The following HELZ variants were observed in gnomAD, a reference collection of about 807,000 sequenced individuals.
The protein encoded by HELZ is helicase with zinc finger.
Under a neutral mutation model 218.2 loss-of-function variants are expected in HELZ, and 23 were observed. The observed-to-expected ratio is 0.11, with a 90% CI of 0.08 to 0.15. The LOEUF is 0.15. Ranked by LOEUF, HELZ falls within the 10% of genes least tolerant of loss-of-function variation. HELZ has a pLI of 1.00. For missense variants in HELZ, 1,813 were observed against 2,353.7 expected, an observed-to-expected ratio of 0.77 and a Z score of 4.75; for synonymous variants, 814 against 829.4, an observed-to-expected ratio of 0.98 and a Z score of 0.32.
intron 32 of HELZ, among the ~76,000 whole-genome samples, 186 bp downstream of exon 32, chr17:67,086,643 T>TAAATATAA (rs1403051540): frequency 7.9e-6 from 1 of 126,026 alleles, no homozygotes; most frequent in Non-Finnish European, 1.7e-5. Flanking sequence ...TATATATATA[T>TAAATATAA]ATATATATAT....
chr17:67,102,928 C>A (rs1272671702), intron 31 of HELZ, among the ~76,000 whole-genome samples: 2 of 151,974 alleles, frequency 1.3e-5, no homozygotes, highest in Non-Finnish European at 2.9e-5. Flanking sequence ...ATTAAGAGCA[C>A]CAAGGTACAA....
Position 67,145,870 on chromosome 17 carries a change from T to C in HELZ, c.2642A>G (p.Tyr881Cys). The C allele has an allele frequency of 1.9e-6, 3 of 1,612,710 alleles. No individual in the cohort carries two copies. Among genetic ancestry groups the C allele is most frequent in the Non-Finnish European group, 1.7e-6 (2 of 1,179,618 alleles). Reference protein sequence around the residue: ...AIINYTSELFYEGKLMASGKQ... With the variant: ...AIINYTSELFCEGKLMASGKQ... Reference sequence around the variant, plus strand: ...CCCACTGGCCATCAGTTTGCCCTCATAGAAAAGCTCAGAGGTATAACTGCA... The same window carrying C: ...CCCACTGGCCATCAGTTTGCCCTCACAGAAAAGCTCAGAGGTATAACTGCA... The change falls in exon 21 of 33, where the codon TAT becomes TGT. Residue 881 changes from tyrosine to cysteine, a missense_variant. By Grantham distance (194) the Tyr-to-Cys change is radical. This residue lies in a region of HELZ where 156 missense variants were observed against 274.4 expected (regional missense o/e 0.57). Transcript: ENST00000358691.
chr17:67,215,394 G>A (rs1427539305), intron 5 of HELZ, among the ~76,000 whole-genome samples: 1 of 146,612 alleles, frequency 6.8e-6, no homozygotes, highest in Non-Finnish European at 1.5e-5. Flanking sequence ...TGTCGCCCAA[G>A]CTGGAGTGCA....
intron 32 of HELZ, among the ~76,000 whole-genome samples, chr17:67,081,239 A>T (rs1029379182): frequency 1.6e-4 from 24 of 152,162 alleles, no homozygotes; most frequent in African/African-American, 5.8e-4. Context: ...AGTGTGAACT[A>T]CCCAATTAGG....
chr17:67,091,992 A>G (rs1487038889), intron 31 of HELZ, among the ~76,000 whole-genome samples: 4 of 152,212 alleles, frequency 2.6e-5, no homozygotes, highest in Admixed American at 2.6e-4. Flanking sequence ...GGAGAGGACT[A>G]TCACTATAAG....
At chr17:67,144,027 CA>C (rs1224327243) in intron 21 of HELZ, among the ~76,000 whole-genome samples, 2 of 152,148 alleles carry the variant, frequency 1.3e-5, no homozygotes, top group Non-Finnish European at 2.9e-5. Flanking sequence ...AAGTATTAGT[CA>C]GAATCTTTAT....
chr17:67,236,404 T>C (rs982671605), intron 3 of HELZ, among the ~76,000 whole-genome samples: 1 of 152,258 alleles, frequency 6.6e-6, no homozygotes, highest in South Asian at 2.1e-4. Context: ...CCCCTTAACA[T>C]AATAACACAC....
rs189316345 is a variant in HELZ at position 67,157,675 on chromosome 17, G to A, written c.2177+2586C>T. Among the ~76,000 whole-genome samples the A allele has an allele frequency of 2.9e-3, 437 of 152,262 alleles. 1 individual carries two copies. Among genetic ancestry groups the A allele is most frequent in the Non-Finnish European group, 3.6e-3 (247 of 68,016 alleles). On this transcript the variant is annotated intron_variant, in intron 17 of 32. Coordinates refer to ENST00000358691, the MANE Select transcript of HELZ (RefSeq NM_014877.4). The stretch of plus-strand genomic sequence containing the variant: ...TCCACATATCCCACACGAATTATAA[G>A]AGAGAGTCTGGTAATATATAATTTT...
chr17:67,235,191 C>T (rs2143466558), intron 3 of HELZ, among the ~76,000 whole-genome samples: 1 of 152,126 alleles, frequency 6.6e-6, no homozygotes, highest in African/African-American at 2.4e-5. Context: ...GTGGTCTTCT[C>T]AGCAATCCAA....
chr17:67,083,088 C>G (rs2036250377), intron 32 of HELZ, among the ~76,000 whole-genome samples: 1 of 151,816 alleles, frequency 6.6e-6, no homozygotes, highest in Non-Finnish European at 1.5e-5. Flanking sequence ...AACTCCTGAC[C>G]TCAGGTGATC....
chr17:67,196,736 C>T (rs561979512), intron 7 of HELZ, among the ~76,000 whole-genome samples: 54 of 152,224 alleles, frequency 3.5e-4, no homozygotes, highest in African/African-American at 1.3e-3. Flanking sequence ...AAGCAAAATT[C>T]ATCAACTTTA....
chr17:67,182,626 A>G (rs555404505), intron 12 of HELZ, among the ~76,000 whole-genome samples: 6 of 152,358 alleles, frequency 3.9e-5, no homozygotes, highest in South Asian at 2.1e-4. Flanking sequence ...CAAAAACTAT[A>G]AACAGATTTT....
rs1393894726 is a variant in HELZ at position 67,148,615 on chromosome 17, T to A, written c.2575A>T (p.Arg859Trp). Residue 859 changes from arginine to tryptophan, a missense_variant, in exon 20 of 33, where the codon AGG becomes TGG. This residue lies in a region of HELZ where 714 missense variants were observed against 1,029.2 expected (regional missense o/e 0.69). Coordinates refer to ENST00000358691, the MANE Select transcript of HELZ (RefSeq NM_014877.4). ...CGGTAGTTCTCACACAGGAGAATCC[T>A]ACATGGGAACTCAGCAGGGTAATGC... ...YEHYPAEFPC[R>W]ILLCENYRSH... The A allele has an allele frequency of 6.2e-7, 1 of 1,613,842 alleles. No individual in the cohort carries two copies. Among genetic ancestry groups the A allele is most frequent in the Non-Finnish European group, 8.5e-7 (1 of 1,179,846 alleles).
intron 27 of HELZ, chr17:67,120,152 C>T (rs977111507): frequency 4.1e-5 from 16 of 390,972 alleles, no homozygotes; most frequent in African/African-American, 2.3e-4. Context: ...TACAGGCACC[C>T]GCCACCATGC....
intron 32 of HELZ, among the ~76,000 whole-genome samples, chr17:67,085,123 A>G (rs961783004): frequency 2.0e-5 from 3 of 152,012 alleles, no homozygotes; most frequent in Non-Finnish European, 4.4e-5. Context: ...AAACAAACAA[A>G]AAAGTGACAA....
In HELZ at chr17:67,218,941, G is replaced by A. The variant is rs2040675803; in HGVS notation, c.-18-119C>T. On this transcript the variant is annotated intron_variant, in intron 3 of 32. Transcript: ENST00000358691. Reference sequence around the variant, plus strand: ...TCTGAATACTCTCAGCTAGCCTTTTGATCAAGGTCACAGCTAAGCAGCAGC... The same window carrying A: ...TCTGAATACTCTCAGCTAGCCTTTTAATCAAGGTCACAGCTAAGCAGCAGC... The A allele has an allele frequency of 7.5e-6, 5 of 667,026 alleles. No homozygotes were observed. The Admixed American group carries it at 1.1e-4, about 14-fold the overall frequency. The allele number at this position is 667,026 out of a possible 1,614,324, so 41.3% of individuals were successfully genotyped here.
rs1163458701 is a variant in HELZ, at chr17:67,075,617, G to C, written c.*2635C>G. 6 of 152,184 alleles carry C rather than the reference G, an allele frequency of 3.9e-5. No individual in the cohort carries two copies. The East Asian group carries it at 1.2e-3, about 29-fold the overall frequency. The allele number at this position is 152,184 out of a possible 1,614,324, so 9.4% of individuals were successfully genotyped here. A position where few individuals can be genotyped will look rare whatever the true frequency, so the allele number is the denominator to read the frequency against. On this transcript the variant is annotated 3_prime_UTR_variant, in exon 33 of 33. Coordinates refer to ENST00000358691, the MANE Select transcript of HELZ (RefSeq NM_014877.4). The stretch of plus-strand genomic sequence containing the variant: ...TTGCAATGATTCTTACACAAGACGT[G>C]TTCAAAATGTTATAAGATACTATGC...
chr17:67,127,373 G>A (rs1433793317), intron 24 of HELZ, among the ~76,000 whole-genome samples: 1 of 152,118 alleles, frequency 6.6e-6, no homozygotes, highest in Non-Finnish European at 1.5e-5. Context: ...ATTCATTTAT[G>A]TACAATGTGT....
chr17:67,076,963 A>C lies in HELZ; in HGVS notation c.*1289T>G, dbSNP rs1191896605. On this transcript the variant is annotated 3_prime_UTR_variant, in exon 33 of 33. Coordinates refer to ENST00000358691, the MANE Select transcript of HELZ (RefSeq NM_014877.4). ...TATATTGCTTTAAATGTGTGACAAG[A>C]CCATAAGTTTCAAGAGGGTAAACAT... The C allele has an allele frequency of 1.3e-5, 2 of 152,194 alleles. No homozygotes were observed. Among genetic ancestry groups the C allele is most frequent in the Admixed American group, 1.3e-4 (2 of 15,290 alleles). 9.4% of individuals were successfully genotyped at this position (152,194 alleles called of 1,614,324 possible). A position where few individuals can be genotyped will look rare whatever the true frequency, so the allele number is the denominator to read the frequency against.
Sources: gnomAD v4.1 joint callset for allele counts (sites outside exome capture counted in the v4.1 genomes callset) on GRCh38, gnomAD v4.1.1 for gene constraint, gnomAD v4.1.1 regional missense constraint, MANE v1.5 for transcripts, NCBI Gene and HGNC (gene_info 2026-07-23, HGNC 2026-07-21) for gene names.